ARHGAP20: variants seen among roughly 807,000 people sequenced by gnomAD.
ARHGAP20 encodes the protein rho GTPase-activating protein 20.
In ARHGAP20, 34 loss-of-function variants were observed where a neutral mutation model predicts 73.7. The observed-to-expected ratio is 0.46, with a 90% CI of 0.35 to 0.61. ARHGAP20 has a LOEUF of 0.61. Among genes scored for constraint, ARHGAP20 ranks in the 20% least tolerant of loss-of-function variants. ARHGAP20 has a pLI of 0.00. For synonymous variants in ARHGAP20, 523 were observed against 518.2 expected (o/e 1.01, Z -0.13); for missense variants, 1,314 against 1,420.9 (o/e 0.92, Z 1.21).
intron 1 of ARHGAP20, among the ~76,000 whole-genome samples, chr11:110,709,101 G>A (rs750192736): frequency 2.6e-5 from 4 of 152,046 alleles, no homozygotes; most frequent in Non-Finnish European, 4.4e-5. Flanking sequence ...TTCTCTAAAC[G>A]AAGTTTTATT....
chr11:110,608,920 G>A lies in ARHGAP20; in HGVS notation c.775+64C>T, dbSNP rs541677370. The A allele has an allele frequency of 6.4e-5, 88 of 1,375,772 alleles. No homozygotes were observed. In the East Asian group the frequency reaches 1.5e-3, roughly 23 times the overall value. The allele number at this position is 1,375,772 out of a possible 1,614,324, so 85.2% of individuals were successfully genotyped here. A position where few individuals can be genotyped will look rare whatever the true frequency, so the allele number is the denominator to read the frequency against. ...GCTTAGGACCATATGACCAATTCTCGGAGACACTTAGAATTATAATTAAAA... is the reference window on the plus strand; with the variant it reads ...GCTTAGGACCATATGACCAATTCTCAGAGACACTTAGAATTATAATTAAAA... On this transcript the variant is annotated intron_variant, in intron 8 of 14. Coordinates refer to ENST00000683387, the MANE Select transcript of ARHGAP20 (RefSeq NM_001384657.1).
intron 2 of ARHGAP20, among the ~76,000 whole-genome samples, chr11:110,659,689 TG>T (rs1949554673): frequency 3.3e-5 from 5 of 152,080 alleles, no homozygotes; most frequent in Admixed American, 2.0e-4. Flanking sequence ...ATTAAGAAAA[TG>T]TGGCACATAT....
intron 2 of ARHGAP20, among the ~76,000 whole-genome samples, chr11:110,651,755 A>T (rs997909410): frequency 9.2e-5 from 14 of 151,432 alleles, no homozygotes; most frequent in African/African-American, 1.5e-4. Context: ...ACCAAAAAAA[A>T]AAAAAATAAA....
chr11:110,582,248 C>G, intron 14 of ARHGAP20, 73 bp downstream of exon 14: 1 of 1,268,076 alleles, frequency 7.9e-7, no homozygotes, highest in Non-Finnish European at 1.1e-6. Context: ...TCCAGGAAAA[C>G]CCCTATCCCA....
intron 3 of ARHGAP20, 128 bp from the exon 4 acceptor site, chr11:110,624,439 A>G: frequency 1.4e-6 from 1 of 698,914 alleles, no homozygotes; most frequent in Non-Finnish European, 2.3e-6. Flanking sequence ...GCATGTTCTC[A>G]CTCATAAGAG....
Position 110,660,150 on chromosome 11 carries a change from C to A in ARHGAP20, c.189-29358G>T, listed in dbSNP as rs562564699. ...GAACTACATATAGGGCTTGTTAAAA[C>A]ATAGAATGCAAGGTTCTACTCTTGG... On this transcript the variant is annotated intron_variant, in intron 2 of 14. Coordinates refer to ENST00000683387, the MANE Select transcript of ARHGAP20 (RefSeq NM_001384657.1). Among the ~76,000 whole-genome samples, 10 of 150,672 alleles carry A rather than the reference C, an allele frequency of 6.6e-5. No individual in the cohort carries two copies. The East Asian group carries it at 1.2e-3, about 18-fold the overall frequency.
chr11:110,650,323 G>A (rs914313621), intron 2 of ARHGAP20, among the ~76,000 whole-genome samples: 6 of 152,124 alleles, frequency 3.9e-5, no homozygotes, highest in Non-Finnish European at 8.8e-5. Flanking sequence ...AAACAAAACA[G>A]CATCCTTAGT....
chr11:110,605,096 A>G (rs529588395), intron 9 of ARHGAP20, among the ~76,000 whole-genome samples: 1 of 152,218 alleles, frequency 6.6e-6, no homozygotes, highest in South Asian at 2.1e-4. Context: ...TGTAGAAAAG[A>G]AGGTCAAAGA....
intron 5 of ARHGAP20, 117 bp downstream of exon 5, chr11:110,615,436 C>A (rs916551899): frequency 5.6e-5 from 51 of 915,182 alleles, no homozygotes; most frequent in Middle Eastern, 2.9e-4. Context: ...ATTTAGAGGT[C>A]AAATGAACAA....
rs1265824281 is a variant in ARHGAP20, at chr11:110,590,654, G to T, written c.1299C>A (p.Val433=). The T allele has an allele frequency of 6.2e-7, 1 of 1,613,610 alleles. No individual in the cohort carries two copies. Residue 433 remains valine, a synonymous_variant, in exon 11 of 15, where the codon GTC becomes GTA. Coordinates refer to ENST00000683387, the MANE Select transcript of ARHGAP20 (RefSeq NM_001384657.1). ...AAGGGATGACTCTTCTTACCTTTAA[G>T]ACAGATGCTATCACAAAAATAGATT... ...DCESIFVIAS[V]LKDFLRNIPG... is the part of the protein sequence containing the mutation.
chr11:110,710,607 A>AGT, intron 1 of ARHGAP20, among the ~76,000 whole-genome samples: 1 of 152,302 alleles, frequency 6.6e-6, no homozygotes, highest in African/African-American at 2.4e-5. Flanking sequence ...CTACACACAC[A>AGT]CACACTCCCT....
chr11:110,681,401 T>A (rs1244769824), intron 2 of ARHGAP20, among the ~76,000 whole-genome samples: 1 of 152,198 alleles, frequency 6.6e-6, no homozygotes, highest in East Asian at 1.9e-4. Context: ...CAATTGTTAT[T>A]ACAACTACCT....
At chr11:110,638,066 T>C (rs1949005711) in intron 2 of ARHGAP20, among the ~76,000 whole-genome samples, 1 of 152,094 alleles carries the variant, frequency 6.6e-6, no homozygotes, top group Non-Finnish European at 1.5e-5. Flanking sequence ...TTGCATTTTG[T>C]AATACAGGTT....
chr11:110,581,115 T>A lies in ARHGAP20; in HGVS notation c.1831A>T (p.Ser611Cys), dbSNP rs765394910. The A allele has an allele frequency of 4.3e-6, 7 of 1,614,146 alleles. No homozygotes were observed. The highest frequency in any genetic ancestry group is 5.9e-6 in the Non-Finnish European group (7 of 1,180,030). The change falls in exon 15 of 15, where the codon AGC (serine) becomes TGC (cysteine). Residue 611 changes from serine (S) to cysteine (C), a missense_variant. By Grantham distance (112) the Ser-to-Cys change is moderately radical. This residue lies in a region of ARHGAP20 where 230 missense variants were observed against 317.6 expected (regional missense o/e 0.72). Transcript: ENST00000683387. ...GTTAAGACAGAGTCCATGCTTCTGC[T>A]CCCCTGGCCAAGTTTCTTTACCAAG... is the stretch of plus-strand genomic sequence containing the variant. Reference protein sequence around the residue: ...SDLVKKLGQGSRSMDSVLTLS... With the variant: ...SDLVKKLGQGCRSMDSVLTLS...
At chr11:110,685,788 C>A (rs1283017244) in intron 2 of ARHGAP20, among the ~76,000 whole-genome samples, 3 of 152,064 alleles carry the variant, frequency 2.0e-5, no homozygotes, top group Non-Finnish European at 2.9e-5. Context: ...ATGCCAAAAT[C>A]AAATATAGAT....
At chr11:110,661,520 C>T (rs1410812623) in intron 2 of ARHGAP20, among the ~76,000 whole-genome samples, 1 of 152,042 alleles carries the variant, frequency 6.6e-6, no homozygotes, top group Non-Finnish European at 1.5e-5. Context: ...CCAAATTATA[C>T]TTAAAAAACT....
chr11:110,610,866 C>A (rs1452540260), intron 7 of ARHGAP20, among the ~76,000 whole-genome samples: 1 of 152,034 alleles, frequency 6.6e-6, no homozygotes, highest in Admixed American at 6.6e-5. Context: ...ATGAAAAATT[C>A]TATTACAGAG....
chr11:110,687,139 A>G (rs35391917), intron 2 of ARHGAP20, among the ~76,000 whole-genome samples: 21,551 of 147,132 alleles, frequency 0.15, 1,674 homozygotes, highest in South Asian at 0.27. Context: ...GTGCAGTGGC[A>G]CAATCATAGC....
intron 8 of ARHGAP20, 80 bp downstream of exon 8, chr11:110,608,904 C>T: frequency 2.5e-6 from 3 of 1,194,092 alleles, no homozygotes; most frequent in Non-Finnish European, 3.7e-6. Context: ...AGCTTAGGAC[C>T]ATATGACCAA....
Sources: gnomAD v4.1 joint callset for allele counts (sites outside exome capture counted in the v4.1 genomes callset) on GRCh38, gnomAD v4.1.1 for gene constraint, gnomAD v4.1.1 regional missense constraint, MANE v1.5 for transcripts, NCBI Gene and HGNC (gene_info 2026-07-23, HGNC 2026-07-21) for gene names.